Variants in CNTNAP2 observed in about 807,000 individuals in gnomAD.
CNTNAP2 encodes the protein contactin-associated protein-like 2.
CNTNAP2 carries 98 observed loss-of-function variants against 155.2 expected under a neutral mutation model. The observed-to-expected ratio is 0.63, with a 90% CI of 0.54 to 0.75. The LOEUF is 0.75. Among genes scored for constraint, CNTNAP2 ranks in the 30% least tolerant of loss-of-function variants. CNTNAP2 has a pLI of 0.00. For synonymous variants in CNTNAP2, 651 were observed against 631.2 expected (o/e 1.03, Z -0.47); for missense variants, 1,727 against 1,688.1 (o/e 1.02, Z -0.40).
At chr7:148,402,665 C>CAGAG (rs1446796316) in intron 22 of CNTNAP2, among the ~76,000 whole-genome samples, 2 of 152,128 alleles carry the variant, frequency 1.3e-5, no homozygotes, top group Admixed American at 1.3e-4. Context: ...AGAACAAAGG[C>CAGAG]AGAGATACCT....
intron 14 of CNTNAP2, among the ~76,000 whole-genome samples, chr7:147,942,707 C>T (rs1800746789): frequency 6.6e-6 from 1 of 152,044 alleles, no homozygotes; most frequent in African/African-American, 2.4e-5. Flanking sequence ...TTCTTATTTC[C>T]CAGCCTTCAA....
intron 1 of CNTNAP2, among the ~76,000 whole-genome samples, chr7:146,305,813 A>G (rs535331556): frequency 6.6e-5 from 10 of 152,250 alleles, no homozygotes; most frequent in Non-Finnish European, 1.2e-4. Context: ...TAAAATTGAC[A>G]TCCTAACATC....
At chr7:146,363,522 A>G (rs550915671) in intron 1 of CNTNAP2, among the ~76,000 whole-genome samples, 7 of 152,312 alleles carry the variant, frequency 4.6e-5, no homozygotes, top group Non-Finnish European at 8.8e-5. Flanking sequence ...AACTGTCAAA[A>G]GAAATTAAAA....
intron 13 of CNTNAP2, among the ~76,000 whole-genome samples, chr7:147,855,595 T>G (rs1001329609): frequency 1.3e-5 from 2 of 151,920 alleles, no homozygotes; most frequent in African/African-American, 4.8e-5. Flanking sequence ...GAGACCAGTC[T>G]GGCCAACATG....
At chr7:146,351,333 G>A (rs1215378443) in intron 1 of CNTNAP2, among the ~76,000 whole-genome samples, 4 of 151,950 alleles carry the variant, frequency 2.6e-5, no homozygotes, top group Non-Finnish European at 5.9e-5. Context: ...TGTATTTTAA[G>A]GAAACAATGC....
At chr7:147,427,639 T>C (rs1422794027) in intron 10 of CNTNAP2, among the ~76,000 whole-genome samples, 2 of 152,136 alleles carry the variant, frequency 1.3e-5, no homozygotes, top group Non-Finnish European at 1.5e-5. Context: ...CATATTCACA[T>C]TGAAAACTGA....
At chr7:146,638,642 A>G (rs1679875396) in intron 1 of CNTNAP2, among the ~76,000 whole-genome samples, 1 of 150,102 alleles carries the variant, frequency 6.7e-6, no homozygotes, top group African/African-American at 2.4e-5. Flanking sequence ...CCGCCACCAC[A>G]CCTGGCTAAT....
chr7:148,217,792 A>G (rs1446401565), intron 19 of CNTNAP2, among the ~76,000 whole-genome samples: 4 of 152,224 alleles, frequency 2.6e-5, no homozygotes, highest in Non-Finnish European at 5.9e-5. Flanking sequence ...AATAAGAGAT[A>G]TGTTTGCATG....
chr7:147,762,319 A>C (rs1797315565), intron 13 of CNTNAP2, among the ~76,000 whole-genome samples: 1 of 152,206 alleles, frequency 6.6e-6, no homozygotes, highest in African/African-American at 2.4e-5. Flanking sequence ...TTCATATAGA[A>C]GACCATGAAT....
intron 1 of CNTNAP2, among the ~76,000 whole-genome samples, chr7:146,247,293 A>T (rs1799677184): frequency 6.6e-6 from 1 of 152,166 alleles, no homozygotes; most frequent in South Asian, 2.1e-4. Context: ...CCTTTTTAAG[A>T]GTAAATTGCT....
At chr7:146,880,676 A>G (rs1795530231) in intron 3 of CNTNAP2, among the ~76,000 whole-genome samples, 1 of 152,084 alleles carries the variant, frequency 6.6e-6, no homozygotes, top group Non-Finnish European at 1.5e-5. Context: ...CTTTGATGAC[A>G]ATTAGGTGTG....
chr7:148,224,665 GTATTCATC>G (rs1310758182), intron 19 of CNTNAP2, among the ~76,000 whole-genome samples: 1 of 152,226 alleles, frequency 6.6e-6, no homozygotes, highest in African/African-American at 2.4e-5. Context: ...CAGGGAGACT[GTATTCATC>G]TGTTCTCACG....
chr7:147,645,431 CTTAA>C (rs759866199), intron 13 of CNTNAP2, among the ~76,000 whole-genome samples: 77 of 152,206 alleles, frequency 5.1e-4, no homozygotes, highest in Non-Finnish European at 8.2e-4. Context: ...AGATTATTTA[CTTAA>C]TTATTATACC....
chr7:146,983,238 G>A (rs918341845), intron 3 of CNTNAP2, among the ~76,000 whole-genome samples: 3 of 152,140 alleles, frequency 2.0e-5, no homozygotes, highest in Non-Finnish European at 4.4e-5. Context: ...CTGAATGGAA[G>A]TGGGAGTGTG....
intron 10 of CNTNAP2, 77 bp downstream of exon 10, chr7:147,395,857 A>G: frequency 2.0e-6 from 3 of 1,529,776 alleles, no homozygotes; most frequent in Non-Finnish European, 2.7e-6. Context: ...CCAGTGAAAC[A>G]TCCCAAAAGA....
rs1271044459 is a variant in CNTNAP2, at chr7:147,240,474, C to G, written c.1349-59667C>G. ...ATAATAAAACAAAACAACTTTATTT[C>G]CTATTTTCCTTCCCAAGCTCCAGGC... On this transcript the variant is annotated intron_variant, in intron 8 of 23. Transcript: ENST00000361727. Among the ~76,000 whole-genome samples the G allele has an allele frequency of 2.0e-5, 3 of 152,318 alleles. No homozygotes were observed. The East Asian group carries it at 5.8e-4, about 29-fold the overall frequency.
At chr7:147,868,651 CGT>C (rs1799273533) in intron 13 of CNTNAP2, among the ~76,000 whole-genome samples, 1 of 152,206 alleles carries the variant, frequency 6.6e-6, no homozygotes, top group South Asian at 2.1e-4. Flanking sequence ...CTGGCCACTT[CGT>C]TTACCTACTC....
intron 13 of CNTNAP2, among the ~76,000 whole-genome samples, chr7:147,682,153 T>G (rs1001021145): frequency 3.9e-5 from 6 of 151,956 alleles, no homozygotes; most frequent in Non-Finnish European, 5.9e-5. Flanking sequence ...CTAGCCATAC[T>G]CCAGTACATA....
intron 10 of CNTNAP2, among the ~76,000 whole-genome samples, chr7:147,400,965 A>C (rs938119729): frequency 1.3e-5 from 2 of 152,210 alleles, no homozygotes; most frequent in Non-Finnish European, 2.9e-5. Context: ...ATTTTACCAG[A>C]ATACAGAAGA....
Sources: gnomAD v4.1 joint callset for allele counts (sites outside exome capture counted in the v4.1 genomes callset) on GRCh38, gnomAD v4.1.1 for gene constraint, MANE v1.5 for transcripts, NCBI Gene and HGNC (gene_info 2026-07-23, HGNC 2026-07-21) for gene names.